DOCK1: variants seen among roughly 807,000 people sequenced by gnomAD.
DOCK1 encodes the protein dedicator of cytokinesis 1.
DOCK1 carries 138 observed loss-of-function variants against 262.7 expected under a neutral mutation model. The observed-to-expected ratio is 0.53, with a 90% CI of 0.46 to 0.61. DOCK1 has a LOEUF of 0.61. Ranked by LOEUF, DOCK1 falls within the 20% of genes least tolerant of loss-of-function variation. DOCK1 has a pLI of 0.00. For missense variants in DOCK1, 1,908 were observed against 2,370.7 expected (o/e 0.80, Z 4.05); for synonymous variants, 866 against 867.4 (o/e 1.00, Z 0.03).
At chr10:127,145,902 C>A in intron 27 of DOCK1, 1 of 473,676 alleles carries the variant, frequency 2.1e-6, no homozygotes, top group East Asian at 5.9e-5. Context: ...GTCTAAACGT[C>A]AGCCTGTGCA....
chr10:127,269,309 C>T (rs2060480718), intron 29 of DOCK1, among the ~76,000 whole-genome samples: 1 of 152,150 alleles, frequency 6.6e-6, no homozygotes, highest in Non-Finnish European at 1.5e-5. Context: ...CATTGTCCCT[C>T]TGAATCTGAG....
At chr10:126,946,399 T>G (rs1177607081) in intron 1 of DOCK1, among the ~76,000 whole-genome samples, 1 of 152,028 alleles carries the variant, frequency 6.6e-6, no homozygotes, top group Admixed American at 6.6e-5. Flanking sequence ...ATACAAAAAT[T>G]AGCTGGATGT....
At chr10:126,947,445 G>GTGA (rs2035557725) in intron 1 of DOCK1, among the ~76,000 whole-genome samples, 1 of 139,936 alleles carries the variant, frequency 7.1e-6, no homozygotes, top group African/African-American at 2.6e-5. Flanking sequence ...ACTGTTGGTG[G>GTGA]TGGTGGTGGT....
chr10:127,017,732 C>A (rs9418785), intron 12 of DOCK1, among the ~76,000 whole-genome samples: 3 of 152,108 alleles, frequency 2.0e-5, no homozygotes, highest in Non-Finnish European at 4.4e-5. Context: ...GCAGCCCCCC[C>A]TGAGGCCTCA....
At chr10:127,241,652 A>G (rs1475940857) in intron 27 of DOCK1, among the ~76,000 whole-genome samples, 2 of 151,988 alleles carry the variant, frequency 1.3e-5, no homozygotes, top group Non-Finnish European at 2.9e-5. Flanking sequence ...TCTTCTTTCT[A>G]GGTTTGGTTT....
chr10:127,007,787 G>A (rs965220215), intron 10 of DOCK1, among the ~76,000 whole-genome samples: 1 of 152,170 alleles, frequency 6.6e-6, no homozygotes, highest in South Asian at 2.1e-4. Flanking sequence ...AGACTTTCTC[G>A]CTGTAGACTT....
At chr10:127,115,411 C>G (rs1239411109) in intron 25 of DOCK1, among the ~76,000 whole-genome samples, 1 of 152,094 alleles carries the variant, frequency 6.6e-6, no homozygotes, top group African/African-American at 2.4e-5. Context: ...ACATGCTTCA[C>G]CAAAAGATGA....
Position 127,419,737 on chromosome 10 carries a change from G to A in DOCK1, c.4764G>A (p.Leu1588=), listed in dbSNP as rs1221038634. The A allele has an allele frequency of 6.3e-7, 1 of 1,598,044 alleles. No homozygotes were observed. Among genetic ancestry groups the A allele is most frequent in the Admixed American group, 1.7e-5 (1 of 58,178 alleles). The part of the protein sequence containing the change: ...AHEKIEKLKD[L]IAWQIPFLAE... ...AAAAGATCGAGAAGCTCAAGGACCTGATTGCTTGGCAGGTAAAGTGTCCAG... is the reference window on the plus strand; with the variant it reads ...AAAAGATCGAGAAGCTCAAGGACCTAATTGCTTGGCAGGTAAAGTGTCCAG... Residue 1588 remains leucine, a synonymous_variant, in exon 46 of 52, where the codon CTG becomes CTA. Transcript: ENST00000623213.
At position 127,012,232 on chromosome 10, in the gene DOCK1, G is replaced by T. The variant is rs1310960435; in HGVS notation, c.1059G>T (p.Pro353=). Residue 353 remains proline (P), a splice_region_variant and synonymous_variant, in exon 12 of 52, where the codon CCG becomes CCT. Transcript: ENST00000623213. The surrounding 1 kb of genome is among the most constrained non-coding windows in gnomAD (Gnocchi z 4.0). ...GTCTTGGTCGTCCCGTGCCCTCCAG[G>T]CTCGCGTTGGACGACGCCATTCGAC... ...EDKQHFIPFQ[P]LALDDAIRHK... is the part of the protein sequence containing the mutation. 2 of 1,564,814 alleles carry T rather than the reference G, an allele frequency of 1.3e-6. No individual in the cohort carries two copies. The highest frequency in any genetic ancestry group is 1.8e-6 in the Non-Finnish European group (2 of 1,135,370).
intron 22 of DOCK1, among the ~76,000 whole-genome samples, chr10:127,057,056 C>T (rs1368147373): frequency 6.6e-6 from 1 of 150,860 alleles, no homozygotes; most frequent in Non-Finnish European, 1.5e-5. Flanking sequence ...TAGCTGAAAT[C>T]GTTTTCCTAG....
At chr10:127,336,476 C>T (rs1377323437) in intron 29 of DOCK1, among the ~76,000 whole-genome samples, 3 of 151,576 alleles carry the variant, frequency 2.0e-5, no homozygotes, top group East Asian at 1.9e-4. Flanking sequence ...CTTTCTCAGT[C>T]GTCAGTTTCT....
At chr10:127,080,191 T>C (rs916519095) in intron 23 of DOCK1, among the ~76,000 whole-genome samples, 3 of 152,098 alleles carry the variant, frequency 2.0e-5, no homozygotes, top group African/African-American at 7.2e-5. Flanking sequence ...CCACAGTATG[T>C]ATGAGTCCTT....
At chr10:127,075,909 T>A (rs1056838550) in intron 23 of DOCK1, among the ~76,000 whole-genome samples, 1 of 152,166 alleles carries the variant, frequency 6.6e-6, no homozygotes, top group Non-Finnish European at 1.5e-5. Context: ...CTTTATACTT[T>A]TATTATTTAC....
intron 38 of DOCK1, among the ~76,000 whole-genome samples, chr10:127,400,277 G>A (rs1483508774): frequency 6.6e-6 from 1 of 152,064 alleles, no homozygotes; most frequent in Non-Finnish European, 1.5e-5. Context: ...TAAGTTTATT[G>A]GGTGGCTCTG....
At chr10:126,959,530 A>G (rs1220930359) in intron 1 of DOCK1, among the ~76,000 whole-genome samples, 1 of 152,050 alleles carries the variant, frequency 6.6e-6, no homozygotes, top group Non-Finnish European at 1.5e-5. Context: ...AAAAAAAATC[A>G]GAGTTTAGCC....
intron 21 of DOCK1, among the ~76,000 whole-genome samples, chr10:127,045,848 A>G (rs1358009641): frequency 6.6e-6 from 1 of 152,112 alleles, no homozygotes; most frequent in Non-Finnish European, 1.5e-5. Context: ...CTCACTGGCA[A>G]CTGATGCTCC....
chr10:126,991,164 A>G (rs868541746), intron 6 of DOCK1, among the ~76,000 whole-genome samples: 10 of 152,250 alleles, frequency 6.6e-5, no homozygotes, highest in Admixed American at 2.6e-4. Flanking sequence ...CTTCCCATCC[A>G]TAGCAGGCAT....
intron 29 of DOCK1, among the ~76,000 whole-genome samples, chr10:127,265,351 G>C (rs143737465): frequency 1.3e-5 from 2 of 151,982 alleles, no homozygotes; most frequent in African/African-American, 4.8e-5. Context: ...AGATCATGTT[G>C]CTATTTATTT....
chr10:127,357,746 C>T (rs1348120271), intron 32 of DOCK1, among the ~76,000 whole-genome samples: 1 of 152,134 alleles, frequency 6.6e-6, no homozygotes, highest in African/African-American at 2.4e-5. Context: ...CAGTCAGCCA[C>T]CAGACTTGGG....
Sources: allele counts gnomAD v4.1 joint callset (sites outside exome capture counted in the v4.1 genomes callset), GRCh38; gene constraint gnomAD v4.1.1; non-coding constraint Gnocchi (gnomAD v3.1); transcripts MANE v1.5; gene names NCBI Gene and HGNC (gene_info 2026-07-23, HGNC 2026-07-21).